The following COL6A6 variants were observed in gnomAD, a reference collection of about 807,000 sequenced individuals.
COL6A6 encodes the protein collagen type VI alpha 6 chain.
A neutral mutation model predicts 208.6 loss-of-function variants in COL6A6; 183 were observed. The observed-to-expected ratio is 0.88, with a 90% CI of 0.78 to 0.99. COL6A6 has a LOEUF of 0.99. Among genes scored for constraint, COL6A6 ranks in the 50% least tolerant of loss-of-function variants. The pLI is 0.00. For missense variants in COL6A6, 2,816 were observed against 2,815.2 expected, an observed-to-expected ratio of 1.00 and a Z score of -0.01; for synonymous variants, 973 against 1,011.8, an observed-to-expected ratio of 0.96 and a Z score of 0.73.
In COL6A6 at chr3:130,660,717, G is replaced by A. The variant is rs558700883; in HGVS notation, c.5831-920G>A. On this transcript the variant is annotated intron_variant, in intron 34 of 36. Coordinates refer to ENST00000358511, the MANE Select transcript of COL6A6 (RefSeq NM_001102608.3). ...GGGGCACACAGCTTGTTACTGAAAC[G>A]AGACCAGAACCCAAGCATCCCAGCT... Among the ~76,000 whole-genome samples the A allele has an allele frequency of 9.2e-5, 14 of 152,294 alleles. No individual in the cohort carries two copies. In the South Asian group the frequency reaches 1.9e-3, roughly 20 times the overall value.
Position 130,566,839 on chromosome 3 carries a change from C to A in COL6A6, c.1420C>A (p.Arg474=). 6.2e-7 allele frequency: 1 copy of A among 1,613,910 alleles called. No individual in the cohort carries two copies. Among genetic ancestry groups the A allele is most frequent in the Non-Finnish European group, 8.5e-7 (1 of 1,179,876 alleles). ...GTTCAACATTGCTCCCCATAAGGTG[C>A]GGGTTGGGGCCGTTCAGTATGCTGA... is the stretch of plus-strand genomic sequence containing the variant. ...GMFNIAPHKV[R]VGAVQYADSW... is the part of the protein sequence containing the mutation. Residue 474 remains arginine (R), a synonymous_variant, in exon 5 of 37, where the codon CGG becomes AGG. Coordinates refer to ENST00000358511, the MANE Select transcript of COL6A6 (RefSeq NM_001102608.3).
In COL6A6 at chr3:130,565,942, G is replaced by A. The variant is rs141468685; in HGVS notation, c.1282+328G>A. Among the ~76,000 whole-genome samples the A allele has an allele frequency of 8.8e-4, 134 of 152,070 alleles. 1 individual carries two copies. The highest frequency in any genetic ancestry group is 3.1e-3 in the African/African-American group (130 of 41,482). The stretch of plus-strand genomic sequence containing the variant: ...TCTCTTTTGCCTCTCACGTTCCCCT[G>A]CTCTTCCCTTTATTTCTTTATTCTT... On this transcript the variant is annotated intron_variant, in intron 4 of 36. Coordinates refer to ENST00000358511, the MANE Select transcript of COL6A6 (RefSeq NM_001102608.3).
chr3:130,583,780 C>A (rs1263953858), intron 10 of COL6A6, among the ~76,000 whole-genome samples: 1 of 152,008 alleles, frequency 6.6e-6, no homozygotes, highest in Non-Finnish European at 1.5e-5. Flanking sequence ...TTGTTTTTTT[C>A]TTTAATAAAG....
intron 6 of COL6A6, among the ~76,000 whole-genome samples, chr3:130,570,128 T>G (rs549896002): frequency 6.6e-6 from 1 of 152,316 alleles, no homozygotes; most frequent in South Asian, 2.1e-4. Flanking sequence ...CCACATGGAT[T>G]AAGAATTAAT....
intron 23 of COL6A6, among the ~76,000 whole-genome samples, chr3:130,617,226 A>T (rs2064558655): frequency 6.6e-6 from 1 of 152,174 alleles, no homozygotes; most frequent in African/African-American, 2.4e-5. Context: ...CTATTCTAGG[A>T]TACAAGGATG....
chr3:130,640,798 AAAT>A (rs1170931211), intron 28 of COL6A6, among the ~76,000 whole-genome samples: 1 of 152,198 alleles, frequency 6.6e-6, no homozygotes. Flanking sequence ...CAATATTTCC[AAAT>A]AATGATTGTG....
chr3:130,663,109 C>A (rs1026913828), intron 35 of COL6A6, among the ~76,000 whole-genome samples: 3 of 152,194 alleles, frequency 2.0e-5, no homozygotes, highest in African/African-American at 7.2e-5. Context: ...TGTGGTTCAA[C>A]TGAGGTCCTG....
At chr3:130,580,717 T>G (rs2107996731) in intron 8 of COL6A6, among the ~76,000 whole-genome samples, 1 of 152,370 alleles carries the variant, frequency 6.6e-6, no homozygotes, top group Non-Finnish European at 1.5e-5. Context: ...TATTGTTCTC[T>G]AATTAACTGC....
chr3:130,564,997 G>T lies in COL6A6; in HGVS notation c.665G>T (p.Cys222Phe). The change falls in exon 4 of 37, where the codon TGC becomes TTC. Residue 222 changes from cysteine (C) to phenylalanine (F), a missense_variant. Transcript: ENST00000358511. ...TTGTTTATTTCTTGCCACACAGCTT[G>T]CCAAGGCCCTTCTATGGCCGATGTT... is the stretch of plus-strand genomic sequence containing the variant. The part of the protein sequence containing the change: ...GAVDDIFVEA[C>F]QGPSMADVVF... The T allele has an allele frequency of 6.2e-7, 1 of 1,612,244 alleles. No homozygotes were observed. Among genetic ancestry groups the T allele is most frequent in the South Asian group, 1.1e-5 (1 of 90,890 alleles).
At position 130,581,543 on chromosome 3, in the gene COL6A6, T is replaced by A; in HGVS notation, c.3548-18T>A. 2 of 1,556,418 alleles carry A rather than the reference T, an allele frequency of 1.3e-6. No individual in the cohort carries two copies. The highest frequency in any genetic ancestry group is 1.7e-6 in the Non-Finnish European group (2 of 1,145,136). Reference sequence around the variant, plus strand: ...CGTTTGTTGATTTATTAAGACATGCTTTTCCTTTGAATCCTAGACTGTTTC... The same window carrying A: ...CGTTTGTTGATTTATTAAGACATGCATTTCCTTTGAATCCTAGACTGTTTC... On this transcript the variant is annotated intron_variant, in intron 8 of 36. Transcript: ENST00000358511.
intron 28 of COL6A6, among the ~76,000 whole-genome samples, chr3:130,639,460 A>T (rs1433958100): frequency 2.0e-5 from 3 of 152,156 alleles, no homozygotes; most frequent in Non-Finnish European, 4.4e-5. Context: ...TGGGAGGCCT[A>T]AGCAGGCAGA....
At chr3:130,579,337 A>C (rs1322153280) in intron 8 of COL6A6, among the ~76,000 whole-genome samples, 1 of 152,186 alleles carries the variant, frequency 6.6e-6, no homozygotes, top group Non-Finnish European at 1.5e-5. Flanking sequence ...TTACTTGGAA[A>C]TATATAACCC....
chr3:130,607,289 T>G (rs1333392128), intron 21 of COL6A6, among the ~76,000 whole-genome samples: 1 of 152,170 alleles, frequency 6.6e-6, no homozygotes, highest in Non-Finnish European at 1.5e-5. Flanking sequence ...AACTTTGGAA[T>G]CTTACAATTA....
At chr3:130,543,315 G>T (rs79435878) in intron 1 of COL6A6, among the ~76,000 whole-genome samples, 1 of 152,108 alleles carries the variant, frequency 6.6e-6, no homozygotes, top group Non-Finnish European at 1.5e-5. Context: ...TTTAATTGGG[G>T]CATTTAGACC....
chr3:130,566,667 C>T (rs563018482), intron 4 of COL6A6, 35 bp from the exon 5 acceptor site: 8 of 1,523,698 alleles, frequency 5.3e-6, no homozygotes, highest in Non-Finnish European at 6.2e-6. Flanking sequence ...CATGCTTGCT[C>T]AAATGCCACA....
chr3:130,532,913 C>T (rs570242537), intron 1 of COL6A6, among the ~76,000 whole-genome samples: 2 of 152,212 alleles, frequency 1.3e-5, no homozygotes, highest in African/African-American at 4.8e-5. Flanking sequence ...CAAAGCCTCT[C>T]CATGGAGCTA....
At chr3:130,611,674 G>A (rs996541428) in intron 23 of COL6A6, among the ~76,000 whole-genome samples, 6 of 152,304 alleles carry the variant, frequency 3.9e-5, no homozygotes, top group South Asian at 2.1e-4. Context: ...ACGTGTGTAC[G>A]TTAGTTGAAC....
Position 130,621,546 on chromosome 3 carries a change from T to C in COL6A6, c.4816-275T>C, listed in dbSNP as rs139309235. 6.0e-4 allele frequency among the ~76,000 whole-genome samples: 92 copies of C among 152,356 alleles called. 1 individual carries two copies. In the East Asian group the frequency reaches 0.015, roughly 25 times the overall value. On this transcript the variant is annotated intron_variant, in intron 23 of 36. Coordinates refer to ENST00000358511, the MANE Select transcript of COL6A6 (RefSeq NM_001102608.3). Reference sequence around the variant, plus strand: ...AAGTGTTAGGCATTTTAACAACATCTGTTCTTAGAGCAAAACAACCTGAAA... The same window carrying C: ...AAGTGTTAGGCATTTTAACAACATCCGTTCTTAGAGCAAAACAACCTGAAA...
intron 18 of COL6A6, 89 bp from the exon 19 acceptor site, chr3:130,598,276 C>T (rs1214995019): frequency 1.6e-5 from 14 of 850,476 alleles, no homozygotes; most frequent in South Asian, 5.3e-5. Flanking sequence ...GTCAACTTCT[C>T]GAGAGTTAGC....
Sources: allele counts gnomAD v4.1 joint callset (sites outside exome capture counted in the v4.1 genomes callset), GRCh38; gene constraint gnomAD v4.1.1; transcripts MANE v1.5; gene names NCBI Gene and HGNC (gene_info 2026-07-23, HGNC 2026-07-21).